Variants in CPED1 observed in about 807,000 individuals in gnomAD.
CPED1 encodes cadherin like and PC-esterase domain containing 1, also known as cadherin-like and PC-esterase domain-containing protein 1.
A neutral mutation model predicts 128.2 loss-of-function variants in CPED1; 114 were observed. The ratio of observed to expected loss-of-function variants is 0.89; its 90% CI spans 0.76 to 1.04. The LOEUF (loss-of-function observed/expected upper bound fraction) is 1.04, where lower values mean the gene tolerates loss of function less well. Among genes scored for constraint, CPED1 ranks in the 50% least tolerant of loss-of-function variants. The pLI is 0.00. For missense variants in CPED1, 1,211 were observed against 1,207.1 expected (o/e 1.00, Z -0.05); for synonymous variants, 462 against 426.7 (o/e 1.08, Z -1.02).
At chr7:121,167,020 C>T (rs549155693) in intron 16 of CPED1, among the ~76,000 whole-genome samples, 68 of 152,254 alleles carry the variant, frequency 4.5e-4, no homozygotes, top group African/African-American at 1.1e-3. Context: ...CAGCTGCCTT[C>T]GCTAATCATT....
At chr7:121,096,273 C>G (rs1794696822) in intron 5 of CPED1, among the ~76,000 whole-genome samples, 2 of 152,072 alleles carry the variant, frequency 1.3e-5, no homozygotes, top group Non-Finnish European at 2.9e-5. Flanking sequence ...ATACATTGAA[C>G]AGCTTGACTT....
At chr7:121,281,770 G>A (rs1278100837) in intron 22 of CPED1, among the ~76,000 whole-genome samples, 1 of 152,090 alleles carries the variant, frequency 6.6e-6, no homozygotes, top group Non-Finnish European at 1.5e-5. Flanking sequence ...TTACTTGAAA[G>A]TCTTGAAAGT....
At chr7:121,080,010 A>G (rs2116132163) in intron 5 of CPED1, among the ~76,000 whole-genome samples, 1 of 152,338 alleles carries the variant, frequency 6.6e-6, no homozygotes, top group South Asian at 2.1e-4. Flanking sequence ...AAATCCCTCC[A>G]GCAGGCCCGT....
At chr7:121,008,064 C>A (rs781772110) in intron 2 of CPED1, among the ~76,000 whole-genome samples, 1 of 151,878 alleles carries the variant, frequency 6.6e-6, no homozygotes, top group Non-Finnish European at 1.5e-5. Flanking sequence ...GAAAATACTG[C>A]GATTCAGGTA....
intron 16 of CPED1, among the ~76,000 whole-genome samples, chr7:121,213,152 A>G (rs1049720282): frequency 1.5e-5 from 2 of 137,550 alleles, no homozygotes; most frequent in Non-Finnish European, 3.1e-5. Flanking sequence ...CACAAACACA[A>G]CCTTTGTTTC....
At chr7:121,142,943 AAG>A (rs1402129310) in intron 16 of CPED1, among the ~76,000 whole-genome samples, 2 of 151,978 alleles carry the variant, frequency 1.3e-5, no homozygotes, top group Admixed American at 6.6e-5. Context: ...TGGTTAGTAA[AAG>A]AGAGGTATTG....
intron 16 of CPED1, among the ~76,000 whole-genome samples, chr7:121,159,493 A>G (rs1038206591): frequency 1.3e-5 from 2 of 152,190 alleles, no homozygotes; most frequent in African/African-American, 4.8e-5. Flanking sequence ...ATTCATTATG[A>G]TAAGAAAGAA....
At chr7:121,269,663 T>C (rs997735481) in intron 21 of CPED1, among the ~76,000 whole-genome samples, 1 of 152,094 alleles carries the variant, frequency 6.6e-6, no homozygotes, top group African/African-American at 2.4e-5. Context: ...ATCTGTTAAT[T>C]TTTTACTTTT....
In CPED1 at chr7:121,120,966, T is replaced by TAAAAAAAAAAA. The variant is rs539242359; in HGVS notation, c.919-3354_919-3344dup. On this transcript the variant is annotated intron_variant, in intron 7 of 22. Coordinates refer to ENST00000310396, the MANE Select transcript of CPED1 (RefSeq NM_024913.5). Reference sequence around the variant, plus strand: ...AGATAAAATAGGACAGTTCCTGACCTAAAAAAAAAAAAAAAAAAAAACAAA... The same window carrying TAAAAAAAAAAA: ...AGATAAAATAGGACAGTTCCTGACCTAAAAAAAAAAAAAAAAAAAAAAAAAAAAAAAACAAA... Among the ~76,000 whole-genome samples, 2 of 91,674 alleles carry TAAAAAAAAAAA rather than the reference T, an allele frequency of 2.2e-5. 1 individual carries two copies. Among genetic ancestry groups the TAAAAAAAAAAA allele is most frequent in the Non-Finnish European group, 4.3e-5 (2 of 46,498 alleles). 60.1% of individuals were successfully genotyped at this position (91,674 alleles called of 152,430 possible).
At chr7:121,028,567 C>A (rs952123294) in intron 3 of CPED1, among the ~76,000 whole-genome samples, 5 of 152,306 alleles carry the variant, frequency 3.3e-5, no homozygotes, top group Non-Finnish European at 5.9e-5. Context: ...TGAATTTAGA[C>A]TGTCTTTGGA....
intron 2 of CPED1, among the ~76,000 whole-genome samples, chr7:121,010,050 A>G (rs1052593490): frequency 2.6e-5 from 4 of 152,206 alleles, no homozygotes; most frequent in African/African-American, 9.6e-5. Flanking sequence ...ATATACAACA[A>G]TGGCCAAAGC....
Position 121,064,236 on chromosome 7 carries a change from A to G in CPED1, c.541-2A>G. The stretch of plus-strand genomic sequence containing the variant: ...CACTAGAATCTTTTTCATTCCTTTC[A>G]GGCAAACAGATTACCAGAAATACAG... On this transcript the variant is annotated splice_acceptor_variant, in intron 4 of 22. Coordinates refer to ENST00000310396, the MANE Select transcript of CPED1 (RefSeq NM_024913.5). LOFTEE classifies it high-confidence loss of function. 6.3e-7 allele frequency: 1 copy of G among 1,598,170 alleles called. No individual in the cohort carries two copies.
At chr7:121,117,598 C>T (rs1401695235) in intron 7 of CPED1, among the ~76,000 whole-genome samples, 1 of 151,674 alleles carries the variant, frequency 6.6e-6, no homozygotes, top group Non-Finnish European at 1.5e-5. Flanking sequence ...CATTTTTGGC[C>T]ACAGCTCTCT....
intron 2 of CPED1, among the ~76,000 whole-genome samples, chr7:120,993,747 G>A (rs984697297): frequency 6.6e-6 from 1 of 152,174 alleles, no homozygotes; most frequent in African/African-American, 2.4e-5. Context: ...ACAGAAGGGA[G>A]TACATTATTG....
intron 5 of CPED1, among the ~76,000 whole-genome samples, chr7:121,082,287 A>G (rs1005191989): frequency 6.6e-6 from 1 of 152,218 alleles, no homozygotes; most frequent in African/African-American, 2.4e-5. Flanking sequence ...GATTATGTCT[A>G]TATTACTCTG....
rs151079390 is a variant in CPED1 at position 121,248,189 on chromosome 7, C to T, written c.2310+3851C>T. ...AGCACTCAAGTGGGAAACAAACCCA[C>T]ATTCTCAGAGCACTAAGAGGGATGA... is the stretch of plus-strand genomic sequence containing the variant. On this transcript the variant is annotated intron_variant, in intron 18 of 22. Coordinates refer to ENST00000310396, the MANE Select transcript of CPED1 (RefSeq NM_024913.5). 2.2e-3 allele frequency among the ~76,000 whole-genome samples: 331 copies of T among 151,574 alleles called. 3 individuals are homozygous for T. Among genetic ancestry groups the T allele is most frequent in the African/African-American group, 7.7e-3 (318 of 41,358 alleles).
intron 22 of CPED1, among the ~76,000 whole-genome samples, chr7:121,295,137 G>C (rs1012165356): frequency 9.2e-5 from 7 of 76,032 alleles, no homozygotes; most frequent in African/African-American, 4.8e-4. Context: ...TGCCTGGCCT[G>C]AAAACACACA....
intron 5 of CPED1, among the ~76,000 whole-genome samples, chr7:121,080,440 AAC>A (rs1403873508): frequency 1.3e-5 from 2 of 151,630 alleles, no homozygotes. Context: ...AGATTTCTAA[AAC>A]ACATTGCTTG....
intron 5 of CPED1, among the ~76,000 whole-genome samples, chr7:121,066,063 G>A (rs774079010): frequency 6.6e-6 from 1 of 152,070 alleles, no homozygotes; most frequent in Non-Finnish European, 1.5e-5. Flanking sequence ...AATTTTATTT[G>A]TTGTGAATAC....
Sources: allele counts gnomAD v4.1 joint callset (sites outside exome capture counted in the v4.1 genomes callset), GRCh38; gene constraint gnomAD v4.1.1; transcripts MANE v1.5; gene names NCBI Gene and HGNC (gene_info 2026-07-23, HGNC 2026-07-21).